UGGT2: variants seen among roughly 807,000 people sequenced by gnomAD.
UGGT2 encodes the protein UDP-glucose:glycoprotein glucosyltransferase 2.
In UGGT2, 180 loss-of-function variants were observed where a neutral mutation model predicts 192.1. The observed-to-expected ratio is 0.94, with a 90% confidence interval of 0.83 to 1.06. The LOEUF (loss-of-function observed/expected upper bound fraction) is 1.06. Ranked by LOEUF, UGGT2 falls within the 50% of genes least tolerant of loss-of-function variation. The pLI is 0.00. For missense variants in UGGT2, 1,849 were observed against 1,795.7 expected (o/e 1.03, Z -0.54); for synonymous variants, 580 against 591.0 (o/e 0.98, Z 0.27).
intron 38 of UGGT2, among the ~76,000 whole-genome samples, chr13:95,824,408 T>C (rs1455877898): frequency 6.6e-6 from 1 of 150,414 alleles, no homozygotes; most frequent in Non-Finnish European, 1.5e-5. Context: ...AGCCTTCTCT[T>C]CTTCCTCAGG....
At chr13:95,896,741 A>G (rs2047957744) in intron 22 of UGGT2, among the ~76,000 whole-genome samples, 1 of 152,152 alleles carries the variant, frequency 6.6e-6, no homozygotes. Flanking sequence ...TAAAGCTGAA[A>G]ATTTGTGGAA....
At chr13:96,053,125 C>A in intron 1 of UGGT2, 30 bp downstream of exon 1, 3 of 1,456,222 alleles carry the variant, frequency 2.1e-6, no homozygotes, top group Non-Finnish European at 1.8e-6. Context: ...CGCCCACACC[C>A]GCCCGGACGA....
At chr13:95,978,456 C>A (rs1257706927) in intron 10 of UGGT2, among the ~76,000 whole-genome samples, 1 of 152,126 alleles carries the variant, frequency 6.6e-6, no homozygotes, top group Non-Finnish European at 1.5e-5. Flanking sequence ...TCTGAAAATA[C>A]TCTGTCCCAT....
chr13:95,822,647 G>T (rs1000802673), intron 38 of UGGT2, among the ~76,000 whole-genome samples: 5 of 151,988 alleles, frequency 3.3e-5, no homozygotes, highest in Non-Finnish European at 7.4e-5. Context: ...CTGCAGTATT[G>T]TTTGTGATGT....
chr13:95,853,514 C>T (rs183146220), intron 36 of UGGT2, 29 bp downstream of exon 36: 891 of 1,591,502 alleles, frequency 5.6e-4, no homozygotes, highest in Non-Finnish European at 6.9e-4. Context: ...TACACACACT[C>T]AAAATTATTC....
intron 16 of UGGT2, among the ~76,000 whole-genome samples, chr13:95,937,895 C>T (rs904133809): frequency 1.3e-5 from 2 of 152,164 alleles, no homozygotes; most frequent in African/African-American, 4.8e-5. Flanking sequence ...CCACCCAATT[C>T]TTATCTTAAA....
intron 38 of UGGT2, among the ~76,000 whole-genome samples, chr13:95,829,769 G>GA (rs1164900963): frequency 2.0e-5 from 3 of 150,288 alleles, no homozygotes; most frequent in South Asian, 2.1e-4. Flanking sequence ...AGATTCAGTG[G>GA]AAAAAACTAC....
At chr13:95,857,445 AAAATT>A (rs1242951220) in intron 33 of UGGT2, among the ~76,000 whole-genome samples, 1 of 152,182 alleles carries the variant, frequency 6.6e-6, no homozygotes, top group Non-Finnish European at 1.5e-5. Flanking sequence ...GCTATGAAGA[AAAATT>A]AAAAGGGAGA....
intron 33 of UGGT2, among the ~76,000 whole-genome samples, chr13:95,858,219 A>G (rs1889809209): frequency 6.6e-6 from 1 of 151,866 alleles, no homozygotes. Context: ...CTCCCAGGAA[A>G]TATCCCCTAC....
chr13:95,947,961 T>C (rs777703635), intron 14 of UGGT2, 35 bp downstream of exon 14: 1 of 1,532,454 alleles, frequency 6.5e-7, no homozygotes, highest in African/African-American at 1.4e-5. Context: ...GAATTTCCTT[T>C]AGTTGACAGT....
At chr13:95,983,209 T>G (rs2051181954) in intron 10 of UGGT2, among the ~76,000 whole-genome samples, 1 of 152,182 alleles carries the variant, frequency 6.6e-6, no homozygotes, top group South Asian at 2.1e-4. Flanking sequence ...CCTGCCTCTT[T>G]TGGCTTTAAA....
At chr13:95,847,188 A>C (rs1888560111) in intron 36 of UGGT2, among the ~76,000 whole-genome samples, 1 of 152,038 alleles carries the variant, frequency 6.6e-6, no homozygotes, top group Non-Finnish European at 1.5e-5. Flanking sequence ...ATTAAGAGGA[A>C]GGCACAGAGA....
intron 27 of UGGT2, 97 bp from the exon 28 acceptor site, chr13:95,877,953 G>T: frequency 1.6e-6 from 2 of 1,250,102 alleles, no homozygotes; most frequent in Non-Finnish European, 2.2e-6. Context: ...ATTGGCCAAT[G>T]TATTTTGGTG....
chr13:95,863,081 T>C (rs971184141), intron 31 of UGGT2, among the ~76,000 whole-genome samples: 2 of 152,160 alleles, frequency 1.3e-5, no homozygotes, highest in Non-Finnish European at 2.9e-5. Flanking sequence ...CAGGCTAGTT[T>C]TGAACTCCTG....
intron 5 of UGGT2, among the ~76,000 whole-genome samples, chr13:96,009,162 C>CT (rs2052076305): frequency 6.6e-6 from 1 of 152,136 alleles, no homozygotes; most frequent in South Asian, 2.1e-4. Flanking sequence ...AAACTGGACT[C>CT]CTTCATTATG....
intron 8 of UGGT2, chr13:95,989,414 AAAG>A (rs1391590167): frequency 5.8e-6 from 1 of 172,868 alleles, no homozygotes; most frequent in African/African-American, 2.4e-5. Context: ...CATTACAAAT[AAAG>A]AAGAAAAATT....
Position 95,949,382 on chromosome 13 carries a change from C to A in UGGT2, c.1408G>T (p.Val470Leu), listed in dbSNP as rs2049985787. ...PTSCQKLLKPVFPGSVPSIRR... is the reference protein window; with the variant it reads ...PTSCQKLLKPLFPGSVPSIRR... ...ATGGAAGGTACACTTCCAGGAAATA[C>A]TGGCTTCAGAAGTTTCTGGCAACTT... The change falls in exon 13 of 39, where the codon GTA (valine) becomes TTA (leucine). Residue 470 changes from valine to leucine, a missense_variant. Coordinates refer to ENST00000376747, the MANE Select transcript of UGGT2 (RefSeq NM_020121.4). 1.9e-6 allele frequency: 3 copies of A among 1,583,530 alleles called. No homozygotes were observed. Among genetic ancestry groups the A allele is most frequent in the Admixed American group, 1.7e-5 (1 of 58,296 alleles).
intron 27 of UGGT2, 123 bp from the exon 28 acceptor site, chr13:95,877,979 T>C: frequency 1.0e-6 from 1 of 953,954 alleles, no homozygotes; most frequent in Non-Finnish European, 1.5e-6. Flanking sequence ...CTTTAAGTCT[T>C]TATTTTACAC....
intron 1 of UGGT2, among the ~76,000 whole-genome samples, chr13:96,036,320 G>A (rs755769937): frequency 3.9e-5 from 6 of 152,044 alleles, no homozygotes; most frequent in Admixed American, 1.3e-4. Flanking sequence ...CCCAAACACC[G>A]CATGTTTTCA....
Sources: gnomAD v4.1 joint callset for allele counts (sites outside exome capture counted in the v4.1 genomes callset) on GRCh38, gnomAD v4.1.1 for gene constraint, MANE v1.5 for transcripts, NCBI Gene and HGNC (gene_info 2026-07-23, HGNC 2026-07-21) for gene names.